Variants in GLIS1 observed in about 807,000 individuals in gnomAD.
GLIS1 encodes the protein zinc finger protein GLIS1.
A neutral mutation model predicts 63.8 loss-of-function variants in GLIS1; 24 were observed. The ratio of observed to expected loss-of-function variants is 0.38; its 90% confidence interval spans 0.27 to 0.53. The LOEUF (loss-of-function observed/expected upper bound fraction) is 0.53, where lower values mean the gene tolerates loss of function less well. Ranked by LOEUF, GLIS1 falls within the 20% of genes least tolerant of loss-of-function variation. GLIS1 has a pLI of 0.85. For missense variants in GLIS1, 1,036 were observed against 1,074.1 expected (o/e 0.96, Z 0.50); for synonymous variants, 450 against 482.5 (o/e 0.93, Z 0.88).
intron 2 of GLIS1, among the ~76,000 whole-genome samples, chr1:53,623,263 T>C (rs551535571): frequency 3.0e-4 from 46 of 152,288 alleles, no homozygotes; most frequent in African/African-American, 1.0e-3. Flanking sequence ...AGGTTCTAAA[T>C]TGAGAAACAT....
chr1:53,615,735 T>C (rs1449816670), intron 2 of GLIS1, among the ~76,000 whole-genome samples: 2 of 144,036 alleles, frequency 1.4e-5, no homozygotes, highest in African/African-American at 5.5e-5. Flanking sequence ...TTTATTTTAT[T>C]CATTTATTTA....
chr1:53,535,005 G>C (rs753242545), intron 4 of GLIS1, among the ~76,000 whole-genome samples: 17 of 152,164 alleles, frequency 1.1e-4, no homozygotes, highest in Middle Eastern at 3.4e-3. Flanking sequence ...AAGCATTCCA[G>C]GGAGAGGGCA....
At chr1:53,656,991 C>T (rs192258419) in intron 2 of GLIS1, among the ~76,000 whole-genome samples, 3 of 149,646 alleles carry the variant, frequency 2.0e-5, no homozygotes, top group African/African-American at 7.3e-5. Flanking sequence ...GAGAGAGGAA[C>T]ACAATCAATG....
intron 4 of GLIS1, among the ~76,000 whole-genome samples, chr1:53,559,341 G>A (rs541365036): frequency 7.6e-4 from 116 of 152,106 alleles, no homozygotes; most frequent in Non-Finnish European, 1.2e-3. Flanking sequence ...CAATCCCACT[G>A]GGCCACTCGT....
intron 2 of GLIS1, chr1:53,734,162 C>T: frequency 2.0e-6 from 2 of 985,148 alleles, no homozygotes; most frequent in Non-Finnish European, 2.4e-6. Context: ...CGTGATCAAC[C>T]TCTTTTTTAT....
At chr1:53,738,172 G>A (rs1646932057) in intron 1 of GLIS1, 66 bp from the exon 2 acceptor site, 1 of 998,494 alleles carries the variant, frequency 1.0e-6, no homozygotes, top group Non-Finnish European at 1.3e-6. Context: ...TCCCGGGGCC[G>A]AGTTTGAGCA....
intron 2 of GLIS1, among the ~76,000 whole-genome samples, chr1:53,656,251 C>T (rs929092968): frequency 2.0e-5 from 3 of 152,202 alleles, no homozygotes; most frequent in Admixed American, 6.5e-5. Context: ...GGCACACCAC[C>T]CCATTCCACT....
rs926011036 is a variant in GLIS1 at position 53,733,817 on chromosome 1, G to A, written c.259+3989C>T. 39 of 691,420 alleles carry A rather than the reference G, an allele frequency of 5.6e-5. 1 individual carries two copies. The highest frequency in any genetic ancestry group is 6.3e-5 in the Admixed American group (1 of 15,898). 42.8% of individuals were successfully genotyped at this position (691,420 alleles called of 1,614,324 possible). On this transcript the variant is annotated intron_variant, in intron 2 of 10. Coordinates refer to ENST00000628545, the MANE Select transcript of GLIS1 (RefSeq NM_001367484.1). ...ATTTGGATCTGATTATTTCCGGATC[G>A]CAGGACCAGCACTTTAAAATGGATG...
chr1:53,625,456 A>AT (rs1264723397), intron 2 of GLIS1, among the ~76,000 whole-genome samples: 1 of 152,228 alleles, frequency 6.6e-6, no homozygotes, highest in Non-Finnish European at 1.5e-5. Flanking sequence ...GAAGTCATAG[A>AT]TTCCATAGCT....
intron 2 of GLIS1, among the ~76,000 whole-genome samples, chr1:53,699,575 C>G (rs530939362): frequency 6.6e-6 from 1 of 152,302 alleles, no homozygotes; most frequent in East Asian, 1.9e-4. Context: ...CGTTGGCACT[C>G]AAAAGTTTTG....
At chr1:53,507,722 G>A (rs1644250036) in intron 10 of GLIS1, among the ~76,000 whole-genome samples, 1 of 152,192 alleles carries the variant, frequency 6.6e-6, no homozygotes, top group African/African-American at 2.4e-5. Context: ...AGTGGGCACT[G>A]GGGAGAGGGG....
intron 8 of GLIS1, among the ~76,000 whole-genome samples, chr1:53,510,397 C>T (rs776806024): frequency 2.6e-5 from 4 of 152,326 alleles, no homozygotes; most frequent in East Asian, 3.9e-4. Flanking sequence ...CCACCGGGCA[C>T]GCTGCAGTGT....
chr1:53,673,910 G>A (rs1301548409), intron 2 of GLIS1, among the ~76,000 whole-genome samples: 2 of 152,180 alleles, frequency 1.3e-5, no homozygotes, highest in African/African-American at 4.8e-5. Context: ...GGTGGCTCAC[G>A]CCTGTAATCC....
At chr1:53,704,342 C>T (rs912300283) in intron 2 of GLIS1, among the ~76,000 whole-genome samples, 2 of 152,240 alleles carry the variant, frequency 1.3e-5, no homozygotes, top group African/African-American at 4.8e-5. Context: ...ATTAGCAATC[C>T]TGTCTTACAG....
chr1:53,556,663 GTA>G (rs1644835395), intron 4 of GLIS1, among the ~76,000 whole-genome samples: 1 of 150,674 alleles, frequency 6.6e-6, no homozygotes, highest in African/African-American at 2.4e-5. Context: ...GTATGTGTGT[GTA>G]TGCAGGTGTA....
chr1:53,726,923 C>G (rs968720742), intron 2 of GLIS1, among the ~76,000 whole-genome samples: 1 of 152,248 alleles, frequency 6.6e-6, no homozygotes, highest in Admixed American at 6.5e-5. Flanking sequence ...TAGCCCAGCT[C>G]TCCACTCACA....
chr1:53,691,306 A>G (rs774264505), intron 2 of GLIS1, among the ~76,000 whole-genome samples: 1 of 152,214 alleles, frequency 6.6e-6, no homozygotes, highest in East Asian at 1.9e-4. Flanking sequence ...CCTGCTGCCC[A>G]CTGATCCCCA....
intron 2 of GLIS1, among the ~76,000 whole-genome samples, chr1:53,719,262 G>A (rs550840116): frequency 4.6e-5 from 7 of 152,294 alleles, no homozygotes; most frequent in Admixed American, 2.6e-4. Context: ...ACTGCTCGGC[G>A]TCCAGGGCTG....
intron 2 of GLIS1, among the ~76,000 whole-genome samples, chr1:53,667,546 T>C (rs1303447103): frequency 6.6e-6 from 1 of 152,226 alleles, no homozygotes; most frequent in Non-Finnish European, 1.5e-5. Context: ...ACCTTGACAC[T>C]GAGCGAGCTT....
Sources: allele counts gnomAD v4.1 joint callset (sites outside exome capture counted in the v4.1 genomes callset), GRCh38; gene constraint gnomAD v4.1.1; transcripts MANE v1.5; gene names NCBI Gene and HGNC (gene_info 2026-07-23, HGNC 2026-07-21).